The following SLCO3A1 variants were observed in gnomAD, a reference collection of about 807,000 sequenced individuals.
The protein encoded by SLCO3A1 is PGE1 transporter.
SLCO3A1 carries 27 observed loss-of-function variants against 63.1 expected under a neutral mutation model. The ratio of observed to expected loss-of-function variants is 0.43; its 90% CI spans 0.32 to 0.59. SLCO3A1 has a LOEUF of 0.59. SLCO3A1 is among the 20% of genes least tolerant of loss of function. The pLI, the probability that SLCO3A1 is intolerant of heterozygous loss-of-function variation, is 0.09. For missense variants in SLCO3A1, 773 were observed against 945.8 expected (o/e 0.82, Z 2.40); for synonymous variants, 473 against 409.9 (o/e 1.15, Z -1.86).
intron 9 of SLCO3A1, among the ~76,000 whole-genome samples, chr15:92,157,406 G>A (rs1221360138): frequency 2.6e-5 from 4 of 151,534 alleles, no homozygotes; most frequent in Admixed American, 2.6e-4. Flanking sequence ...AACCAGAGAG[G>A]ACACTAAAGT....
intron 2 of SLCO3A1, among the ~76,000 whole-genome samples, chr15:92,039,272 C>T (rs1010260219): frequency 1.3e-5 from 2 of 152,208 alleles, no homozygotes; most frequent in Middle Eastern, 3.4e-3. Flanking sequence ...GCAAAAGAAA[C>T]TATCACAGTA....
intron 1 of SLCO3A1, among the ~76,000 whole-genome samples, chr15:91,884,874 A>G (rs1897684868): frequency 6.6e-6 from 1 of 151,304 alleles, no homozygotes; most frequent in African/African-American, 2.4e-5. Flanking sequence ...TTTTAAGCTG[A>G]TTCTTTTAGA....
chr15:92,060,779 C>T (rs929397472), intron 2 of SLCO3A1, among the ~76,000 whole-genome samples: 2 of 152,156 alleles, frequency 1.3e-5, no homozygotes, highest in African/African-American at 4.8e-5. Flanking sequence ...GGATTACAGG[C>T]ATGAGCCACT....
chr15:92,034,077 A>G (rs949558060), intron 2 of SLCO3A1, among the ~76,000 whole-genome samples: 1 of 146,850 alleles, frequency 6.8e-6, no homozygotes, highest in Admixed American at 6.8e-5. Flanking sequence ...TGCTGAGCAG[A>G]GAAGCGACAT....
intron 7 of SLCO3A1, among the ~76,000 whole-genome samples, chr15:92,144,809 A>T (rs1475768736): frequency 6.6e-6 from 1 of 152,210 alleles, no homozygotes; most frequent in East Asian, 1.9e-4. Context: ...CAGCACCGGC[A>T]CTCGTTCCTG....
chr15:91,880,395 C>CTGTGTGTG (rs71156619), intron 1 of SLCO3A1, among the ~76,000 whole-genome samples: 14,253 of 89,318 alleles, frequency 0.16, 822 homozygotes, highest in Middle Eastern at 0.29. Flanking sequence ...CTCTCTCTCT[C>CTGTGTGTG]TCTCTCTCTC....
intron 2 of SLCO3A1, among the ~76,000 whole-genome samples, chr15:91,992,724 A>G (rs931088763): frequency 6.6e-6 from 1 of 152,154 alleles, no homozygotes; most frequent in Non-Finnish European, 1.5e-5. Flanking sequence ...ACTCCTGTCT[A>G]ATGTTCTCAG....
chr15:92,080,393 T>G (rs1288617165), intron 2 of SLCO3A1, among the ~76,000 whole-genome samples: 3 of 151,930 alleles, frequency 2.0e-5, no homozygotes, highest in South Asian at 4.1e-4. Context: ...ACATGGAGTT[T>G]TTTTTTTTTT....
chr15:91,930,648 C>A (rs1234948797), intron 2 of SLCO3A1, among the ~76,000 whole-genome samples: 4 of 152,010 alleles, frequency 2.6e-5, no homozygotes, highest in Non-Finnish European at 1.5e-5. Flanking sequence ...TGTGTCAGTC[C>A]CCGTACAAGG....
At chr15:92,070,191 G>T (rs941486208) in intron 2 of SLCO3A1, among the ~76,000 whole-genome samples, 1 of 152,230 alleles carries the variant, frequency 6.6e-6, no homozygotes. Context: ...TTCAAAATGG[G>T]TTTGATGGCA....
intron 2 of SLCO3A1, among the ~76,000 whole-genome samples, chr15:91,956,018 A>G (rs1900159218): frequency 6.6e-6 from 1 of 152,136 alleles, no homozygotes; most frequent in Admixed American, 6.5e-5. Context: ...TTCCAAGCCC[A>G]GGGCTGGGGC....
intron 2 of SLCO3A1, among the ~76,000 whole-genome samples, chr15:92,047,593 A>AAAT (rs1371084750): frequency 6.4e-4 from 4 of 6,272 alleles, no homozygotes; most frequent in Non-Finnish European, 8.7e-4. Context: ...ATATATATAT[A>AAAT]ATATATAATA....
In SLCO3A1 at chr15:91,883,156, G is replaced by C. The variant is rs986744269; in HGVS notation, c.180+29068G>C. ...CTCCATGTTACTCAGATGCTTTGAG[G>C]CTGGTGGATAACAAAGTATCCCTCC... On this transcript the variant is annotated intron_variant, in intron 1 of 9. Transcript: ENST00000318445. This position sits in a 1 kb window ranked among gnomAD's most constrained non-coding sequence, Gnocchi z 4.8. 6.6e-6 allele frequency among the ~76,000 whole-genome samples: 1 copy of C among 152,236 alleles called. No homozygotes were observed. Among genetic ancestry groups the C allele is most frequent in the African/African-American group, 2.4e-5 (1 of 41,464 alleles).
rs1897028729 is a variant in SLCO3A1, at chr15:91,860,767, C to T, written c.180+6679C>T. ...TCAGCCTTGGTTGCCCAGAGGGGCT[C>T]AGGTCTCACGTCTTGTCTGCTGCCT... On this transcript the variant is annotated intron_variant, in intron 1 of 9. Coordinates refer to ENST00000318445, the MANE Select transcript of SLCO3A1 (RefSeq NM_013272.4). This position sits in a 1 kb window ranked among gnomAD's most constrained non-coding sequence, Gnocchi z 5.5. Among the ~76,000 whole-genome samples, 2 of 152,244 alleles carry T rather than the reference C, an allele frequency of 1.3e-5. No individual in the cohort carries two copies. Among genetic ancestry groups the T allele is most frequent in the African/African-American group, 4.8e-5 (2 of 41,464 alleles).
At chr15:92,142,888 A>C (rs1175043926) in intron 7 of SLCO3A1, among the ~76,000 whole-genome samples, 1 of 152,048 alleles carries the variant, frequency 6.6e-6, no homozygotes, top group African/African-American at 2.4e-5. Flanking sequence ...AATATAATCG[A>C]GCCATAGCCT....
chr15:92,115,779 A>G (rs1055967696), intron 4 of SLCO3A1, among the ~76,000 whole-genome samples: 2 of 120,160 alleles, frequency 1.7e-5, no homozygotes, highest in African/African-American at 6.5e-5. Flanking sequence ...TTTTATTAAT[A>G]TTTCTCCCTC....
intron 2 of SLCO3A1, among the ~76,000 whole-genome samples, chr15:92,055,503 G>GT (rs957977374): frequency 2.2e-4 from 34 of 151,846 alleles, no homozygotes; most frequent in Non-Finnish European, 4.7e-4. Context: ...ACTTGTGTAG[G>GT]TTTTTTTTCC....
chr15:92,082,370 G>C (rs1027167514), intron 2 of SLCO3A1, among the ~76,000 whole-genome samples: 1 of 152,208 alleles, frequency 6.6e-6, no homozygotes, highest in African/African-American at 2.4e-5. Context: ...CCCTGACGGA[G>C]GGTTTCACAG....
At chr15:92,006,761 A>T (rs1017649111) in intron 2 of SLCO3A1, among the ~76,000 whole-genome samples, 1 of 152,234 alleles carries the variant, frequency 6.6e-6, no homozygotes, top group Non-Finnish European at 1.5e-5. Flanking sequence ...AACAGGATAG[A>T]TGTGTCTAGT....
Sources: gnomAD v4.1 joint callset for allele counts (sites outside exome capture counted in the v4.1 genomes callset) on GRCh38, gnomAD v4.1.1 for gene constraint, Gnocchi (gnomAD v3.1) non-coding constraint, MANE v1.5 for transcripts, NCBI Gene and HGNC (gene_info 2026-07-23, HGNC 2026-07-21) for gene names.